Variants in FUT8 observed in about 807,000 individuals in gnomAD.
The protein encoded by FUT8 is alpha-(1,6)-fucosyltransferase.
In FUT8, 29 loss-of-function variants were observed where a neutral mutation model predicts 71.3. That is an observed-to-expected ratio of 0.41 (90% CI 0.30 to 0.55). The LOEUF (loss-of-function observed/expected upper bound fraction) is 0.55, where lower values mean the gene tolerates loss of function less well. FUT8 is among the 20% of genes least tolerant of loss of function. The pLI, the probability that FUT8 is intolerant of heterozygous loss-of-function variation, is 0.34. For missense variants in FUT8, 544 were observed against 702.1 expected, an observed-to-expected ratio of 0.77 and a Z score of 2.55; for synonymous variants, 254 against 239.3, an observed-to-expected ratio of 1.06 and a Z score of -0.57.
At chr14:65,487,970 A>G (rs945104601) in intron 2 of FUT8, among the ~76,000 whole-genome samples, 11 of 152,108 alleles carry the variant, frequency 7.2e-5, no homozygotes, top group Non-Finnish European at 1.5e-4. Flanking sequence ...TAGGACTACA[A>G]GTGTGTGCCA....
At chr14:65,380,309 G>T in the FUT8 span, among the ~76,000 whole-genome samples, 2 of 152,044 alleles carry the variant, frequency 1.3e-5, no homozygotes, top group Non-Finnish European at 2.9e-5. Context: ...AAGCCCCCAT[G>T]ATTCAATTAC....
intron 7 of FUT8, among the ~76,000 whole-genome samples, chr14:65,674,459 G>A (rs1217630943): frequency 6.6e-6 from 1 of 152,126 alleles, no homozygotes; most frequent in Admixed American, 6.5e-5. Context: ...GCAACAACAG[G>A]AAAGTTATCC....
At chr14:65,383,872 C>A in the FUT8 span, among the ~76,000 whole-genome samples, 579 of 152,302 alleles carry the variant, frequency 3.8e-3, 5 homozygotes, top group African/African-American at 0.013. Flanking sequence ...AACCTCTTAT[C>A]TTCCCTAGGC....
At chr14:65,412,555 G>A (rs777841091), upstream of FUT8, 39 of 350,710 alleles carry the variant, frequency 1.1e-4, no homozygotes, top group Non-Finnish European at 2.1e-4. Flanking sequence ...GTGCCGTCCC[G>A]CTGTGGCCCG....
At chr14:65,549,426 C>T (rs1885160889) in intron 2 of FUT8, among the ~76,000 whole-genome samples, 1 of 151,888 alleles carries the variant, frequency 6.6e-6, no homozygotes, top group Admixed American at 6.6e-5. Flanking sequence ...GTTTACCCCC[C>T]AATCTTGTGG....
intron 2 of FUT8, among the ~76,000 whole-genome samples, chr14:65,557,327 C>G (rs1347032424): frequency 2.7e-5 from 4 of 150,382 alleles, no homozygotes; most frequent in Non-Finnish European, 4.4e-5. Context: ...GATTTTGTCT[C>G]TCTCTCCCCT....
the FUT8 span, among the ~76,000 whole-genome samples, chr14:65,378,645 C>G: frequency 6.6e-6 from 1 of 152,072 alleles, no homozygotes; most frequent in Non-Finnish European, 1.5e-5. Context: ...TTTAAAGTTT[C>G]ACATTAATAC....
intron 7 of FUT8, among the ~76,000 whole-genome samples, chr14:65,714,277 C>T (rs73268601): frequency 0.022 from 3,336 of 152,046 alleles, 39 homozygotes; most frequent in African/African-American, 0.038. Context: ...TATAGCTCCA[C>T]GTTTTTATGC....
At chr14:65,548,353 C>A (rs1594759115) in intron 2 of FUT8, among the ~76,000 whole-genome samples, 1 of 152,006 alleles carries the variant, frequency 6.6e-6, no homozygotes, top group Admixed American at 6.5e-5. Flanking sequence ...GTTTTGTCTT[C>A]CTTCACTTAG....
Position 65,669,033 on chromosome 14 carries a change from T to C in FUT8, c.598-210T>C, listed in dbSNP as rs1257409300. Among the ~76,000 whole-genome samples, 1 of 151,518 alleles carries C rather than the reference T, an allele frequency of 6.6e-6. No homozygotes were observed. The highest frequency in any genetic ancestry group is 1.5e-5 in the Non-Finnish European group (1 of 67,876). On this transcript the variant is annotated intron_variant, in intron 6 of 10. Transcript: ENST00000673929. The surrounding 1 kb of genome is among the most constrained non-coding windows in gnomAD (Gnocchi z 4.5). Reference sequence around the variant, plus strand: ...GTAGACACTGGGGCCTACTTGAGGGTGAAAGGTGGGAGGAGGGTGAAGATC... The same window carrying C: ...GTAGACACTGGGGCCTACTTGAGGGCGAAAGGTGGGAGGAGGGTGAAGATC...
In FUT8 at chr14:65,669,580, T is replaced by C. The variant is rs967558610; in HGVS notation, c.835+100T>C. On this transcript the variant is annotated intron_variant, in intron 7 of 10. Transcript: ENST00000673929. This position sits in a 1 kb window ranked among gnomAD's most constrained non-coding sequence, Gnocchi z 4.5. ...ACCTTCATGGAACATACTTATCTTTTCCTCTGGATCCATGAATACTATACA... is the reference window on the plus strand; with the variant it reads ...ACCTTCATGGAACATACTTATCTTTCCCTCTGGATCCATGAATACTATACA... 1.3e-6 allele frequency: 1 copy of C among 766,006 alleles called. No homozygotes were observed. Among genetic ancestry groups the C allele is most frequent in the Non-Finnish European group, 2.2e-6 (1 of 449,252 alleles). The allele number at this position is 766,006 out of a possible 1,614,324, so 47.5% of individuals were successfully genotyped here.
intron 7 of FUT8, among the ~76,000 whole-genome samples, chr14:65,708,514 C>T (rs1894664680): frequency 6.6e-6 from 1 of 151,964 alleles, no homozygotes; most frequent in Non-Finnish European, 1.5e-5. Context: ...TTTTTAATAT[C>T]TTTTGTCAAT....
chr14:65,363,294 GTATTTTTA>G, the FUT8 span, among the ~76,000 whole-genome samples: 1 of 102,198 alleles, frequency 9.8e-6, no homozygotes, highest in Non-Finnish European at 2.6e-5. Context: ...GCTAATTTTT[GTATTTTTA>G]GTAGAGATGG....
At chr14:65,720,053 G>A (rs2139346423) in intron 7 of FUT8, among the ~76,000 whole-genome samples, 1 of 152,342 alleles carries the variant, frequency 6.6e-6, no homozygotes, top group South Asian at 2.1e-4. Flanking sequence ...AGGACAGCAA[G>A]CAAGTTCCCC....
At chr14:65,599,872 T>A (rs573322354) in intron 3 of FUT8, among the ~76,000 whole-genome samples, 22 of 152,344 alleles carry the variant, frequency 1.4e-4, no homozygotes, top group African/African-American at 5.0e-4. Flanking sequence ...TTTTATTAGG[T>A]CTGCTTAATA....
At chr14:65,389,837 A>T in the FUT8 span, among the ~76,000 whole-genome samples, 1 of 151,502 alleles carries the variant, frequency 6.6e-6, no homozygotes, top group Non-Finnish European at 1.5e-5. Flanking sequence ...AAAAAGAAAC[A>T]TGCATAATAG....
At chr14:65,565,383 C>CT (rs757245557) in intron 3 of FUT8, among the ~76,000 whole-genome samples, 96 of 145,386 alleles carry the variant, frequency 6.6e-4, no homozygotes, top group East Asian at 2.0e-3. Context: ...AGATATATCA[C>CT]TTTTTTTTTT....
At chr14:65,522,931 C>T (rs1426257433) in intron 2 of FUT8, among the ~76,000 whole-genome samples, 1 of 152,128 alleles carries the variant, frequency 6.6e-6, no homozygotes, top group Non-Finnish European at 1.5e-5. Context: ...CATAGTATTC[C>T]ATGGTGTATA....
intron 7 of FUT8, among the ~76,000 whole-genome samples, chr14:65,711,771 A>G (rs1566910173): frequency 6.6e-6 from 1 of 152,152 alleles, no homozygotes; most frequent in Non-Finnish European, 1.5e-5. Flanking sequence ...CAGGCAACAA[A>G]TGTCATGTTT....
Sources: allele counts gnomAD v4.1 joint callset (sites outside exome capture counted in the v4.1 genomes callset), GRCh38; gene constraint gnomAD v4.1.1; non-coding constraint Gnocchi (gnomAD v3.1); transcripts MANE v1.5; gene names NCBI Gene and HGNC (gene_info 2026-07-23, HGNC 2026-07-21).